The following KIF21A variants were observed in gnomAD, a reference collection of about 807,000 sequenced individuals.
KIF21A encodes kinesin family member 21A.
A neutral mutation model predicts 202.9 loss-of-function variants in KIF21A; 114 were observed. The observed-to-expected ratio is 0.56, with a 90% CI of 0.48 to 0.66. The LOEUF (loss-of-function observed/expected upper bound fraction) is 0.66, where lower values mean the gene tolerates loss of function less well. Ranked by LOEUF, KIF21A falls within the 30% of genes least tolerant of loss-of-function variation. The pLI is 0.00. For missense variants in KIF21A, 1,677 were observed against 1,994.9 expected, an observed-to-expected ratio of 0.84 and a Z score of 3.04; for synonymous variants, 667 against 670.8, an observed-to-expected ratio of 0.99 and a Z score of 0.09.
Position 39,369,948 on chromosome 12 carries a change from T to G in KIF21A, c.268-37A>C, listed in dbSNP as rs111867237. On this transcript the variant is annotated intron_variant, in intron 2 of 37. Transcript: ENST00000361418. ...AACAGAGAAAGATTAGTGTTCAACC[T>G]TAACATAACCTTAAGAAACAAAAAT... 739 of 1,600,644 alleles carry G rather than the reference T, an allele frequency of 4.6e-4. 4 individuals are homozygous for G. In the African/African-American group the frequency reaches 8.8e-3, roughly 19 times the overall value.
intron 1 of KIF21A, among the ~76,000 whole-genome samples, chr12:39,422,510 C>T (rs542937752): frequency 1.3e-5 from 2 of 152,202 alleles, no homozygotes; most frequent in South Asian, 2.1e-4. Flanking sequence ...TAAGACAAGA[C>T]AATAAAACGG....
At chr12:39,365,145 TCCACTCC>T (rs552308600) in intron 6 of KIF21A, among the ~76,000 whole-genome samples, 188 of 152,220 alleles carry the variant, frequency 1.2e-3, no homozygotes, top group African/African-American at 4.2e-3. Flanking sequence ...TGATTTAACC[TCCACTCC>T]CCACTCCCTT....
At chr12:39,405,769 T>C (rs976492605) in intron 1 of KIF21A, among the ~76,000 whole-genome samples, 18 of 152,122 alleles carry the variant, frequency 1.2e-4, no homozygotes, top group African/African-American at 4.1e-4. Context: ...TTTCTCTGTT[T>C]GAAACAGAAG....
chr12:39,418,415 T>A (rs991827880), intron 1 of KIF21A, among the ~76,000 whole-genome samples: 3 of 152,160 alleles, frequency 2.0e-5, no homozygotes. Context: ...TGCAAACACC[T>A]CTCTTGTTAC....
At chr12:39,362,021 TAG>T (rs1042599965) in intron 7 of KIF21A, among the ~76,000 whole-genome samples, 1 of 152,148 alleles carries the variant, frequency 6.6e-6, no homozygotes, top group Admixed American at 6.5e-5. Context: ...GTTCTCATGA[TAG>T]AGTTCTCAGG....
chr12:39,421,875 T>C (rs1041163260), intron 1 of KIF21A, among the ~76,000 whole-genome samples: 3 of 147,574 alleles, frequency 2.0e-5, no homozygotes, highest in African/African-American at 7.4e-5. Context: ...ATAATAAACA[T>C]ATATATGGCA....
At position 39,428,525 on chromosome 12, in the gene KIF21A, A is replaced by G. The variant is rs574362514; in HGVS notation, c.44+14402T>C. 1.2e-4 allele frequency among the ~76,000 whole-genome samples: 18 copies of G among 152,316 alleles called. No homozygotes were observed. The East Asian group carries it at 2.3e-3, about 20-fold the overall frequency. On this transcript the variant is annotated intron_variant, in intron 1 of 37. Coordinates refer to ENST00000361418, the MANE Select transcript of KIF21A (RefSeq NM_001173464.2). Reference sequence around the variant, plus strand: ...AAAAACAGAGTCACAAATAATTGTTAATTGATTTTTCTTATTTAACCATGG... The same window carrying G: ...AAAAACAGAGTCACAAATAATTGTTGATTGATTTTTCTTATTTAACCATGG...
At chr12:39,348,535 C>T (rs778409634) in intron 11 of KIF21A, among the ~76,000 whole-genome samples, 1 of 151,992 alleles carries the variant, frequency 6.6e-6, no homozygotes, top group Non-Finnish European at 1.5e-5. Flanking sequence ...ACAAACGCAG[C>T]TTCTGGAAAA....
At chr12:39,390,045 T>C (rs985644885) in intron 1 of KIF21A, among the ~76,000 whole-genome samples, 5 of 152,080 alleles carry the variant, frequency 3.3e-5, no homozygotes, top group Admixed American at 1.3e-4. Context: ...CCAAATTGTG[T>C]TTTAGGGACA....
chr12:39,327,874 C>T lies in KIF21A; in HGVS notation c.3341-1550G>A, dbSNP rs368814945. ...ATCACAATAGCTTTAAAGCCAAAGA[C>T]AAAACAAAACTCCCAAATACCCTAA... On this transcript the variant is annotated intron_variant, in intron 24 of 37. Transcript: ENST00000361418. Among the ~76,000 whole-genome samples the T allele has an allele frequency of 1.9e-3, 289 of 152,250 alleles. 14 individuals carry two copies. In the South Asian group the frequency reaches 0.057, roughly 30 times the overall value.
At position 39,305,397 on chromosome 12, in the gene KIF21A, G is replaced by A. The variant is rs573167934; in HGVS notation, c.4443-459C>T. Among the ~76,000 whole-genome samples the A allele has an allele frequency of 9.9e-5, 15 of 151,240 alleles. No individual in the cohort carries two copies. The East Asian group carries it at 2.9e-3, about 30-fold the overall frequency. On this transcript the variant is annotated intron_variant, in intron 34 of 37. Transcript: ENST00000361418. The stretch of plus-strand genomic sequence containing the variant: ...AAAAAAAAAAAAAAAAAACAGAGAT[G>A]GGGTTCCATTATGTTGCCAGGCTGA...
At chr12:39,392,757 T>G (rs1031131442) in intron 1 of KIF21A, among the ~76,000 whole-genome samples, 1 of 150,630 alleles carries the variant, frequency 6.6e-6, no homozygotes. Context: ...GCACCATGTG[T>G]TACACTGGCT....
Position 39,436,447 on chromosome 12 carries a change from TA to T in KIF21A, c.44+6479del, listed in dbSNP as rs1486731237. Among the ~76,000 whole-genome samples the T allele has an allele frequency of 1.4e-3, 159 of 114,774 alleles. 1 individual carries two copies. The highest frequency in any genetic ancestry group is 4.5e-3 in the African/African-American group (97 of 21,754). The allele number at this position is 114,774 out of a possible 152,430, so 75.3% of individuals were successfully genotyped here. ...TTATATATATATATATATATATATA[TA>T]TTTTTTTTTTTTTTAGACAGGGTTT... On this transcript the variant is annotated intron_variant, in intron 1 of 37. Transcript: ENST00000361418.
At chr12:39,348,705 A>G (rs1275617685) in intron 11 of KIF21A, among the ~76,000 whole-genome samples, 3 of 152,008 alleles carry the variant, frequency 2.0e-5, no homozygotes. Context: ...TGTAGAAGCC[A>G]GGACAGCTTA....
intron 33 of KIF21A, among the ~76,000 whole-genome samples, chr12:39,308,590 G>A (rs1351053766): frequency 6.6e-6 from 1 of 152,042 alleles, no homozygotes; most frequent in Non-Finnish European, 1.5e-5. Context: ...AATCATAGAT[G>A]GAGTATCTAA....
chr12:39,349,149 C>T (rs61374155), intron 11 of KIF21A, among the ~76,000 whole-genome samples: 2,281 of 152,096 alleles, frequency 0.015, 46 homozygotes, highest in African/African-American at 0.051. Flanking sequence ...AGCAGAAATT[C>T]CCATTTTTCC....
At chr12:39,325,587 C>T (rs1002219597) in intron 26 of KIF21A, among the ~76,000 whole-genome samples, 1 of 149,776 alleles carries the variant, frequency 6.7e-6, no homozygotes, top group African/African-American at 2.5e-5. Flanking sequence ...TCCTGATCAT[C>T]CGCCTTGGCC....
intron 1 of KIF21A, among the ~76,000 whole-genome samples, chr12:39,395,213 A>C (rs1190767469): frequency 2.6e-5 from 4 of 152,114 alleles, no homozygotes; most frequent in African/African-American, 7.2e-5. Flanking sequence ...ATTTAGTAAA[A>C]ATTCTAATTT....
intron 26 of KIF21A, among the ~76,000 whole-genome samples, 155 bp downstream of exon 26, chr12:39,325,684 G>GGAAA (rs1225129505): frequency 6.6e-6 from 1 of 151,240 alleles, no homozygotes; most frequent in African/African-American, 2.4e-5. Context: ...CCACTTAAAG[G>GGAAA]GAAATATGAT....
Sources: gnomAD v4.1 joint callset for allele counts (sites outside exome capture counted in the v4.1 genomes callset) on GRCh38, gnomAD v4.1.1 for gene constraint, MANE v1.5 for transcripts, NCBI Gene and HGNC (gene_info 2026-07-23, HGNC 2026-07-21) for gene names.